The following CRACR2B variants were observed in gnomAD, a reference collection of about 807,000 sequenced individuals.
CRACR2B encodes EF-hand calcium-binding domain-containing protein 4A.
A neutral mutation model predicts 46.0 loss-of-function variants in CRACR2B; 50 were observed. The observed-to-expected ratio is 1.09, with a 90% CI of 0.87 to 1.38. The LOEUF is 1.38. CRACR2B is among the 40% of genes most tolerant of loss of function. The pLI, the probability that CRACR2B is intolerant of heterozygous loss-of-function variation, is 0.00. For synonymous variants in CRACR2B, 277 were observed against 239.6 expected, an observed-to-expected ratio of 1.16 and a Z score of -1.44; for missense variants, 667 against 535.0, an observed-to-expected ratio of 1.25 and a Z score of -2.43.
intron 2 of CRACR2B, 27 bp from the exon 3 acceptor site, chr11:829,333 T>G: frequency 2.5e-6 from 4 of 1,581,706 alleles, no homozygotes; most frequent in Non-Finnish European, 3.4e-6. Context: ...CCCACAGCCC[T>G]GGTAATCGCT....
chr11:830,428 C>T (rs1404176012), intron 5 of CRACR2B, 91 bp downstream of exon 5: 3 of 1,536,136 alleles, frequency 2.0e-6, no homozygotes, highest in East Asian at 2.4e-5. Context: ...CCCTCCCCGA[C>T]GGCCCCACCT....
At chr11:827,649 C>A, upstream of CRACR2B, 1 of 555,488 alleles carries the variant, frequency 1.8e-6, no homozygotes, top group Non-Finnish European at 2.3e-6. Flanking sequence ...ATGGCCCTGG[C>A]CTCTCGTGTC....
At chr11:829,715 T>G (rs1431467034) in intron 3 of CRACR2B, 175 bp downstream of exon 3, 1 of 1,038,974 alleles carries the variant, frequency 9.6e-7, no homozygotes, top group African/African-American at 1.6e-5. Flanking sequence ...CCCGCAGAAT[T>G]TGCATTTCAT....
Position 828,467 on chromosome 11 carries a change from C to A in CRACR2B, c.-141C>A. On this transcript the variant is annotated 5_prime_UTR_variant, in exon 1 of 9. Transcript: ENST00000525077. ...CCCCTGGTCCCACCTTGCCTTCCGC[C>A]CACCTTCCCACCTGCTGCAGGGAGG... 9.5e-7 allele frequency: 1 copy of A among 1,054,994 alleles called. No homozygotes were observed. Among genetic ancestry groups the A allele is most frequent in the Non-Finnish European group, 1.3e-6 (1 of 763,444 alleles). The allele number at this position is 1,054,994 out of a possible 1,614,324, so 65.4% of individuals were successfully genotyped here. A position where few individuals can be genotyped will look rare whatever the true frequency, so the allele number is the denominator to read the frequency against.
rs745984964 is a variant in CRACR2B, at chr11:829,544, A to G, written c.458+4A>G. On this transcript the variant is annotated splice_donor_region_variant and intron_variant, in intron 3 of 8. Coordinates refer to ENST00000525077, the MANE Select transcript of CRACR2B (RefSeq NM_001286606.2). ...GGGTGGCCCCGGTCCTGGGCAAGTG[A>G]GTCGGCGCTGGCCCCGCTCCCACTG... 1.1e-5 allele frequency: 18 copies of G among 1,566,266 alleles called. No homozygotes were observed. Among genetic ancestry groups the G allele is most frequent in the Admixed American group, 2.0e-5 (1 of 49,626 alleles).
Position 830,929 on chromosome 11 carries a change from C to T in CRACR2B, c.850C>T (p.Leu284=). 6.5e-7 allele frequency: 1 copy of T among 1,531,248 alleles called. No individual in the cohort carries two copies. Among genetic ancestry groups the T allele is most frequent in the Non-Finnish European group, 8.7e-7 (1 of 1,145,140 alleles). 94.9% of individuals were successfully genotyped at this position (1,531,248 alleles called of 1,614,324 possible). Reference sequence around the variant, plus strand: ...GGAGGCACAGGCCCAGAACTCCCAGCTGTGGCGGGCGCACGAGGCGCTGCG... The same window carrying T: ...GGAGGCACAGGCCCAGAACTCCCAGTTGTGGCGGGCGCACGAGGCGCTGCG... ...HLEAQAQNSQ[L]WRAHEALRTQ... The change falls in exon 7 of 9, where the codon CTG becomes TTG. Residue 284 remains leucine, a synonymous_variant. Transcript: ENST00000525077.
chr11:831,234 G>A lies in CRACR2B; in HGVS notation c.964G>A (p.Ala322Thr). The change falls in exon 8 of 9, where the codon GCC becomes ACC. Residue 322 changes from alanine to threonine, a missense_variant. Physicochemically the swap from Ala to Thr is moderately conservative, Grantham distance 58. Transcript: ENST00000525077. ...RQEQTQRDVV[A>T]VSRNMQKEKV... ...ACCTCCCATCCACAGAGACGTGGTC[G>A]CCGTCTCCAGGAACATGCAGAAAGA... 1.9e-6 allele frequency: 3 copies of A among 1,610,200 alleles called. No individual in the cohort carries two copies. Among genetic ancestry groups the A allele is most frequent in the Non-Finnish European group, 2.5e-6 (3 of 1,179,214 alleles).
chr11:827,836 G>C (rs1846020524), upstream of CRACR2B: 1 of 152,372 alleles, frequency 6.6e-6, no homozygotes, highest in Admixed American at 6.5e-5. Flanking sequence ...TGAAGGACAG[G>C]TGGCTCTGGT....
intron 3 of CRACR2B, 35 bp downstream of exon 3, chr11:829,575 TCTG>T (rs1288272764): frequency 1.3e-6 from 2 of 1,514,910 alleles, no homozygotes; most frequent in Non-Finnish European, 1.8e-6. Flanking sequence ...CACTGCCCGC[TCTG>T]CTGTTTCTCT....
rs1846032022 is a variant in CRACR2B, at chr11:827,947, C to T, written c.-661C>T. ...GTTGTGGGGCAAGGGTGTTAGGTCT[C>T]GAATCTGGAAGTGTTCCTGAGTGGG... On this transcript the variant is annotated 5_prime_UTR_variant, in exon 1 of 9. Coordinates refer to ENST00000525077, the MANE Select transcript of CRACR2B (RefSeq NM_001286606.2). Among the ~76,000 whole-genome samples the T allele has an allele frequency of 6.6e-6, 1 of 152,146 alleles. No individual in the cohort carries two copies. The highest frequency in any genetic ancestry group is 1.5e-5 in the Non-Finnish European group (1 of 68,016).
At position 828,069 on chromosome 11, in the gene CRACR2B, G is replaced by T. The variant is rs1444504113; in HGVS notation, c.-539G>T. On this transcript the variant is annotated 5_prime_UTR_variant, in exon 1 of 9. Coordinates refer to ENST00000525077, the MANE Select transcript of CRACR2B (RefSeq NM_001286606.2). ...AGGGGCCGGTGGGCAGGAGGGAGAA[G>T]TCTGCCCTGCCTGCCAGCTGTCATG... Among the ~76,000 whole-genome samples the T allele has an allele frequency of 3.9e-5, 6 of 152,094 alleles. No individual in the cohort carries two copies. Among genetic ancestry groups the T allele is most frequent in the African/African-American group, 1.4e-4 (6 of 41,396 alleles).
Position 828,869 on chromosome 11 carries a change from G to GCC in CRACR2B, c.186_187dup (p.Leu63ProfsTer96). ...CCGACCAGGGTCTCCAGAGCGACCTGCCCCTCACGCCAGAGCAGCTGGAGG... is the reference window on the plus strand; with the variant it reads ...CCGACCAGGGTCTCCAGAGCGACCTGCCCCCCTCACGCCAGAGCAGCTGGAGG... On this transcript the variant is annotated frameshift_variant, in exon 2 of 9. Transcript: ENST00000525077. LOFTEE classifies it high-confidence loss of function. 6.2e-7 allele frequency: 1 copy of GCC among 1,610,488 alleles called. No homozygotes were observed. The highest frequency in any genetic ancestry group is 8.5e-7 in the Non-Finnish European group (1 of 1,179,616).
In CRACR2B at chr11:831,626, C is replaced by T; in HGVS notation, c.1117C>T (p.Leu373=). The T allele has an allele frequency of 6.4e-7, 1 of 1,558,978 alleles. No individual in the cohort carries two copies. Among genetic ancestry groups the T allele is most frequent in the East Asian group, 2.3e-5 (1 of 43,062 alleles). The change falls in exon 9 of 9, where the codon CTG becomes TTG. Residue 373 remains leucine, a synonymous_variant. Transcript: ENST00000525077. ...CAGGAAGGCTCTGACAACAGCCCGCCTGCCTGGGCCCACCTGCTGCTGCTG... is the reference window on the plus strand; with the variant it reads ...CAGGAAGGCTCTGACAACAGCCCGCTTGCCTGGGCCCACCTGCTGCTGCTG... ...SCRKALTTAR[L]PGPTCCCCCC...
chr11:831,594 G>A lies in CRACR2B; in HGVS notation c.1085G>A (p.Ser362Asn), dbSNP rs774690180. 6.3e-7 allele frequency: 1 copy of A among 1,586,510 alleles called. No homozygotes were observed. The highest frequency in any genetic ancestry group is 8.5e-7 in the Non-Finnish European group (1 of 1,170,874). ...GCCTGCGAGGCCAGGCGGGCGGGCA[G>A]CAGCTGCAGGAAGGCTCTGACAACA... Reference protein sequence around the residue: ...RDACEARRAGSSCRKALTTAR... With the variant: ...RDACEARRAGNSCRKALTTAR... The change falls in exon 9 of 9, where the codon AGC becomes AAC. Residue 362 changes from serine (S) to asparagine (N), a missense_variant. Ser to Asn is a conservative substitution (Grantham distance 46). Coordinates refer to ENST00000525077, the MANE Select transcript of CRACR2B (RefSeq NM_001286606.2).
At chr11:829,333 T>C (rs1219725006) in intron 2 of CRACR2B, 27 bp from the exon 3 acceptor site, 1 of 1,581,704 alleles carries the variant, frequency 6.3e-7, no homozygotes, top group East Asian at 2.3e-5. Context: ...CCCACAGCCC[T>C]GGTAATCGCT....
chr11:830,472 T>G (rs1262520990), intron 5 of CRACR2B, 135 bp downstream of exon 5: 4 of 1,536,474 alleles, frequency 2.6e-6, no homozygotes, highest in Non-Finnish European at 3.5e-6. Flanking sequence ...CCCGAGGAGA[T>G]CCCACTGGGC....
At position 831,236 on chromosome 11, in the gene CRACR2B, C is replaced by T. The variant is rs755534481; in HGVS notation, c.966C>T (p.Ala322=). Residue 322 remains alanine, a synonymous_variant, in exon 8 of 9, where the codon GCC becomes GCT. Transcript: ENST00000525077. ...RQEQTQRDVV[A]VSRNMQKEKV... Reference sequence around the variant, plus strand: ...CTCCCATCCACAGAGACGTGGTCGCCGTCTCCAGGAACATGCAGAAAGAGA... The same window carrying T: ...CTCCCATCCACAGAGACGTGGTCGCTGTCTCCAGGAACATGCAGAAAGAGA... The T allele has an allele frequency of 6.2e-7, 1 of 1,610,338 alleles. No homozygotes were observed.
chr11:829,404 A>C lies in CRACR2B; in HGVS notation c.322A>C (p.Arg108=), dbSNP rs769152577. Reference sequence around the variant, plus strand: ...GTCAGCCCAGGGAGCGAACCCCTGCAGGACTCCCGAGGAGACCTTTGAGTC... The same window carrying C: ...GTCAGCCCAGGGAGCGAACCCCTGCCGGACTCCCGAGGAGACCTTTGAGTC... ...VASAQGANPC[R]TPEETFESGG... is the part of the protein sequence containing the mutation. The change falls in exon 3 of 9, where the codon AGG becomes CGG. Residue 108 remains arginine (R), a synonymous_variant. Transcript: ENST00000525077. The C allele has an allele frequency of 1.7e-5, 27 of 1,610,992 alleles. No individual in the cohort carries two copies. In the East Asian group the frequency reaches 5.4e-4, roughly 32 times the overall value.
chr11:830,909 C>G lies in CRACR2B; in HGVS notation c.830C>G (p.Ala277Gly). 6.5e-7 allele frequency: 1 copy of G among 1,532,308 alleles called. No homozygotes were observed. Among genetic ancestry groups the G allele is most frequent in the Non-Finnish European group, 8.7e-7 (1 of 1,145,764 alleles). 94.9% of individuals were successfully genotyped at this position (1,532,308 alleles called of 1,614,324 possible). A position where few individuals can be genotyped will look rare whatever the true frequency, so the allele number is the denominator to read the frequency against. ...GCCCAGGCTGCGGAGCACCTGGAGG[C>G]ACAGGCCCAGAACTCCCAGCTGTGG... ...LHAQAAEHLE[A>G]QAQNSQLWRA... is the part of the protein sequence containing the mutation. The change falls in exon 7 of 9, where the codon GCA becomes GGA. Residue 277 changes from alanine to glycine, a missense_variant. Transcript: ENST00000525077.
Sources: allele counts gnomAD v4.1 joint callset (sites outside exome capture counted in the v4.1 genomes callset), GRCh38; gene constraint gnomAD v4.1.1; transcripts MANE v1.5; gene names NCBI Gene and HGNC (gene_info 2026-07-23, HGNC 2026-07-21).